Variants in TANC1 observed in about 807,000 individuals in gnomAD.
TANC1 encodes the protein tetratricopeptide repeat, ankyrin repeat and coiled-coil containing 1, also known as protein TANC1.
In TANC1, 77 loss-of-function variants were observed where a neutral mutation model predicts 149.7. That is an observed-to-expected ratio of 0.51 (90% CI 0.43 to 0.62). The LOEUF is 0.62. Among genes scored for constraint, TANC1 ranks in the 20% least tolerant of loss-of-function variants. The pLI is 0.00. For synonymous variants in TANC1, 854 were observed against 925.0 expected (o/e 0.92, Z 1.39); for missense variants, 1,985 against 2,321.8 (o/e 0.85, Z 2.98).
chr2:159,133,748 CT>C (rs1270928353), intron 4 of TANC1, among the ~76,000 whole-genome samples: 6 of 152,176 alleles, frequency 3.9e-5, no homozygotes, highest in Admixed American at 3.9e-4. Context: ...CTATTTTAAT[CT>C]TTGTAAAAGT....
intron 4 of TANC1, among the ~76,000 whole-genome samples, chr2:159,125,840 G>A (rs1380023795): frequency 2.0e-5 from 3 of 151,962 alleles, no homozygotes; most frequent in Admixed American, 6.6e-5. Flanking sequence ...CACCCGCCTC[G>A]GTCTCCCAAA....
At chr2:159,091,362 C>T (rs1469944704) in intron 3 of TANC1, among the ~76,000 whole-genome samples, 1 of 152,286 alleles carries the variant, frequency 6.6e-6, no homozygotes, top group African/African-American at 2.4e-5. Context: ...ATGTATAATG[C>T]ACCCAGAACC....
chr2:159,038,387 T>C (rs2040371372), intron 2 of TANC1, among the ~76,000 whole-genome samples: 1 of 152,152 alleles, frequency 6.6e-6, no homozygotes, highest in African/African-American at 2.4e-5. Context: ...CTTCCAACAC[T>C]CTTGAATAGG....
intron 2 of TANC1, among the ~76,000 whole-genome samples, chr2:159,039,090 C>T (rs552853404): frequency 2.2e-4 from 33 of 152,046 alleles, no homozygotes; most frequent in African/African-American, 7.0e-4. Flanking sequence ...AGAGTGTGTG[C>T]GTCCAGGAAC....
At chr2:159,087,603 G>A (rs1313951811) in intron 3 of TANC1, among the ~76,000 whole-genome samples, 2 of 151,554 alleles carry the variant, frequency 1.3e-5, no homozygotes, top group Non-Finnish European at 2.9e-5. Flanking sequence ...AACCTCCTGG[G>A]CTCAAGTGGT....
intron 4 of TANC1, among the ~76,000 whole-genome samples, chr2:159,100,779 T>C (rs555451716): frequency 6.6e-6 from 1 of 152,348 alleles, no homozygotes; most frequent in South Asian, 2.1e-4. Context: ...TGATGAACAG[T>C]ATTTTTTTTC....
chr2:158,985,214 A>T (rs574260878), intron 1 of TANC1, among the ~76,000 whole-genome samples: 8 of 152,308 alleles, frequency 5.3e-5, no homozygotes, highest in African/African-American at 7.2e-5. Context: ...GCATTAGCTC[A>T]TGTAATCTTC....
intron 4 of TANC1, among the ~76,000 whole-genome samples, chr2:159,131,812 T>G (rs2050139947): frequency 1.3e-5 from 2 of 152,222 alleles, no homozygotes; most frequent in Admixed American, 1.3e-4. Context: ...TTACAGCACT[T>G]TATGTTCAGC....
Position 159,170,744 on chromosome 2 carries a change from G to A in TANC1, c.1290G>A (p.Leu430=). Residue 430 remains leucine, a synonymous_variant, in exon 10 of 27, where the codon CTG becomes CTA. Coordinates refer to ENST00000263635, the MANE Select transcript of TANC1 (RefSeq NM_033394.3). ...CAATCATTTCCAAGTTGGTGGCCCT[G>A]AGCTGCCACGGAAGCCGCATGAGGC... ...KTAIISKLVA[L]SCHGSRMRQI... is the part of the protein sequence containing the mutation. 3 of 1,614,178 alleles carry A rather than the reference G, an allele frequency of 1.9e-6. No homozygotes were observed. The highest frequency in any genetic ancestry group is 4.5e-5 in the East Asian group (2 of 44,888).
At chr2:159,229,434 T>C in intron 26 of TANC1, 144 bp from the exon 27 acceptor site, 1 of 686,668 alleles carries the variant, frequency 1.5e-6, no homozygotes, top group South Asian at 1.9e-5. Context: ...CTGGGCTGGT[T>C]AAGTGGGTCC....
At position 159,176,499 on chromosome 2, in the gene TANC1, C is replaced by T. The variant is rs1406474412; in HGVS notation, c.1883C>T (p.Thr628Ile). Residue 628 changes from threonine (T) to isoleucine (I), a missense_variant, in exon 13 of 27, where the codon ACT becomes ATT. Around this residue, in one of 3 missense-constraint regions of TANC1, gnomAD observed 508 missense variants for 714.2 expected, o/e 0.71. Coordinates refer to ENST00000263635, the MANE Select transcript of TANC1 (RefSeq NM_033394.3). Reference sequence around the variant, plus strand: ...CCTGCCTGGTTGAAGTTGATTGTGACTGTAAGAGCAAATTTTCAGGTAACA... The same window carrying T: ...CCTGCCTGGTTGAAGTTGATTGTGATTGTAAGAGCAAATTTTCAGGTAACA... ...KFPAWLKLIVTVRANFQEIIS... is the reference protein window; with the variant it reads ...KFPAWLKLIVIVRANFQEIIS... 6.3e-7 allele frequency: 1 copy of T among 1,590,490 alleles called. No individual in the cohort carries two copies. The highest frequency in any genetic ancestry group is 2.3e-5 in the East Asian group (1 of 44,326).
chr2:158,975,302 G>A (rs185218494), intron 1 of TANC1, among the ~76,000 whole-genome samples: 15 of 152,012 alleles, frequency 9.9e-5, no homozygotes, highest in African/African-American at 3.6e-4. Context: ...GGGTGTGGAG[G>A]GGGGTGACTG....
At chr2:159,075,233 AT>A (rs2043541788) in intron 3 of TANC1, among the ~76,000 whole-genome samples, 1 of 152,192 alleles carries the variant, frequency 6.6e-6, no homozygotes. Flanking sequence ...GAATATCAGT[AT>A]TTGAATCCAT....
At chr2:159,013,696 A>G (rs1375619247) in intron 2 of TANC1, among the ~76,000 whole-genome samples, 1 of 152,180 alleles carries the variant, frequency 6.6e-6, no homozygotes, top group Non-Finnish European at 1.5e-5. Context: ...TCCTCCTGAT[A>G]GGAGAGGCAC....
intron 20 of TANC1, 93 bp downstream of exon 20, chr2:159,217,723 T>A: frequency 6.8e-7 from 1 of 1,470,612 alleles, no homozygotes; most frequent in Non-Finnish European, 9.3e-7. Context: ...GCAGCTCCCC[T>A]GAGCCTGTCT....
chr2:159,061,742 TC>T (rs1022071988), intron 2 of TANC1, among the ~76,000 whole-genome samples: 2 of 152,208 alleles, frequency 1.3e-5, no homozygotes, highest in African/African-American at 4.8e-5. Flanking sequence ...ATACCTTTTC[TC>T]CCCTACACTC....
At chr2:159,109,463 A>G (rs1217533738) in intron 4 of TANC1, among the ~76,000 whole-genome samples, 1 of 152,172 alleles carries the variant, frequency 6.6e-6, no homozygotes, top group African/African-American at 2.4e-5. Context: ...GGAGGGTGGA[A>G]CCTCCATGAT....
At chr2:159,181,143 C>T (rs6741790) in intron 14 of TANC1, among the ~76,000 whole-genome samples, 102,030 of 152,056 alleles carry the variant, frequency 0.67, 34,857 homozygotes, top group East Asian at 0.95. Flanking sequence ...TTCTTTTTCT[C>T]TTGGAATTCT....
At chr2:159,080,500 A>G (rs2044158770) in intron 3 of TANC1, among the ~76,000 whole-genome samples, 1 of 152,192 alleles carries the variant, frequency 6.6e-6, no homozygotes, top group South Asian at 2.1e-4. Context: ...AGAACTCTTA[A>G]GAGTCTGTGG....
Sources: allele counts gnomAD v4.1 joint callset (sites outside exome capture counted in the v4.1 genomes callset), GRCh38; gene constraint gnomAD v4.1.1; regional missense constraint gnomAD v4.1.1; transcripts MANE v1.5; gene names NCBI Gene and HGNC (gene_info 2026-07-23, HGNC 2026-07-21).